Variants in RANBP2 observed in about 807,000 individuals in gnomAD.
RANBP2 encodes the protein RAN binding protein 2.
A neutral mutation model predicts 303.6 loss-of-function variants in RANBP2; 57 were observed. That is an observed-to-expected ratio of 0.19 (90% CI 0.15 to 0.23). The LOEUF (loss-of-function observed/expected upper bound fraction) is 0.23, where lower values mean the gene tolerates loss of function less well. Among genes scored for constraint, RANBP2 ranks in the 10% least tolerant of loss-of-function variants. RANBP2 has a pLI of 1.00. For synonymous variants in RANBP2, 1,167 were observed against 1,301.5 expected, an observed-to-expected ratio of 0.90 and a Z score of 2.23; for missense variants, 3,138 against 3,780.8, an observed-to-expected ratio of 0.83 and a Z score of 4.46.
In RANBP2 at chr2:108,783,426, A is replaced by T. The variant is rs1387292653; in HGVS notation, c.9370-170A>T. On this transcript the variant is annotated intron_variant, in intron 28 of 28. Transcript: ENST00000283195. ...GATGGGAAAAACCTTTTCATTTTTC[A>T]TCTTCTTTCCAACAATATGAATTTC... 2.0e-5 allele frequency among the ~76,000 whole-genome samples: 3 copies of T among 148,828 alleles called. No homozygotes were observed. The East Asian group carries it at 5.9e-4, about 29-fold the overall frequency.
At chr2:109,197,362 CT>C in the RANBP2 span, among the ~76,000 whole-genome samples, 1 of 152,200 alleles carries the variant, frequency 6.6e-6, no homozygotes, top group African/African-American at 2.4e-5. Flanking sequence ...GCCAGACCCA[CT>C]TGGACTTCAG....
At chr2:109,436,027 G>A in the RANBP2 span, among the ~76,000 whole-genome samples, 528 of 152,226 alleles carry the variant, frequency 3.5e-3, 19 homozygotes, top group East Asian at 0.061. Flanking sequence ...GCTAGAGGTC[G>A]TGCCCAGTGA....
At chr2:109,181,045 G>A in the RANBP2 span, among the ~76,000 whole-genome samples, 5 of 152,178 alleles carry the variant, frequency 3.3e-5, no homozygotes, top group African/African-American at 1.2e-4. Flanking sequence ...TTGATGGCCA[G>A]CCCGCTGTGC....
the RANBP2 span, among the ~76,000 whole-genome samples, chr2:109,601,325 G>A: frequency 2.0e-5 from 3 of 152,298 alleles, no homozygotes; most frequent in Non-Finnish European, 2.9e-5. Context: ...AAGGATTTCA[G>A]CAGTTGTATG....
chr2:109,614,949 A>G, the RANBP2 span: 1 of 1,522,666 alleles, frequency 6.6e-7, no homozygotes, highest in East Asian at 2.5e-5. Flanking sequence ...CGGGGCTCGC[A>G]GGAAGAACTC....
the RANBP2 span, among the ~76,000 whole-genome samples, chr2:109,290,148 A>G: frequency 7.3e-4 from 111 of 152,314 alleles, 1 homozygote; most frequent in Middle Eastern, 3.4e-3. Context: ...CCAAAGTTGC[A>G]TGGTCCTGGA....
chr2:109,386,295 G>GC, the RANBP2 span, among the ~76,000 whole-genome samples: 2 of 152,208 alleles, frequency 1.3e-5, no homozygotes, highest in East Asian at 1.9e-4. Context: ...CGCATATGGA[G>GC]CATGTACAGG....
the RANBP2 span, chr2:109,129,771 C>T: frequency 6.5e-6 from 10 of 1,539,142 alleles, no homozygotes; most frequent in South Asian, 4.8e-5. Flanking sequence ...AACACACTTT[C>T]TGCCGCCGCT....
the RANBP2 span, chr2:109,615,658 T>A: frequency 6.2e-7 from 1 of 1,613,848 alleles, no homozygotes; most frequent in Non-Finnish European, 8.5e-7. Context: ...GCCGAGGAGA[T>A]CAAGAACCTG....
the RANBP2 span, among the ~76,000 whole-genome samples, chr2:109,259,963 G>T: frequency 6.6e-6 from 1 of 152,144 alleles, no homozygotes; most frequent in Non-Finnish European, 1.5e-5. Context: ...CAGACGCCCA[G>T]GGGTTTTCTT....
At chr2:109,299,498 G>A in the RANBP2 span, among the ~76,000 whole-genome samples, 2 of 151,848 alleles carry the variant, frequency 1.3e-5, no homozygotes, top group Admixed American at 6.6e-5. Context: ...CTCCCATGAT[G>A]TACCCCTAGG....
the RANBP2 span, among the ~76,000 whole-genome samples, chr2:109,236,467 T>G: frequency 6.6e-6 from 1 of 152,162 alleles, no homozygotes; most frequent in African/African-American, 2.4e-5. Flanking sequence ...TGAGCCGTGT[T>G]TTTTAGGAAT....
At position 108,773,111 on chromosome 2, in the gene RANBP2, G is replaced by C. The variant is rs1677625369; in HGVS notation, c.8292+65G>C. The C allele has an allele frequency of 4.1e-6, 6 of 1,466,394 alleles. No homozygotes were observed. In the South Asian group the frequency reaches 7.2e-5, roughly 18 times the overall value. 90.8% of individuals were successfully genotyped at this position (1,466,394 alleles called of 1,614,324 possible). A position where few individuals can be genotyped will look rare whatever the true frequency, so the allele number is the denominator to read the frequency against. On this transcript the variant is annotated intron_variant, in intron 23 of 28. Coordinates refer to ENST00000283195, the MANE Select transcript of RANBP2 (RefSeq NM_006267.5). ...GCCTTTGTTGATGCAGTAAACTTTA[G>C]AATGTTCTTATTTATTTATTTTTGA...
chr2:108,839,716 A>C, the RANBP2 span, among the ~76,000 whole-genome samples: 1 of 151,906 alleles, frequency 6.6e-6, no homozygotes, highest in Non-Finnish European at 1.5e-5. Flanking sequence ...TTTTTTGTTT[A>C]TTTTGTATCC....
At chr2:108,930,262 T>G in the RANBP2 span, 5 of 1,613,908 alleles carry the variant, frequency 3.1e-6, no homozygotes, top group Non-Finnish European at 4.2e-6. Flanking sequence ...AAGGGGGGTG[T>G]TGTGGCCTCC....
At chr2:109,211,390 G>C in the RANBP2 span, among the ~76,000 whole-genome samples, 1 of 152,226 alleles carries the variant, frequency 6.6e-6, no homozygotes, top group Admixed American at 6.5e-5. Flanking sequence ...GCTAAATCAG[G>C]AGGTGTTATA....
the RANBP2 span, among the ~76,000 whole-genome samples, chr2:109,048,759 C>T: frequency 4.2e-3 from 641 of 152,298 alleles, 5 homozygotes; most frequent in African/African-American, 0.015. Flanking sequence ...CTTCACTTTT[C>T]ATGTGGGTTG....
the RANBP2 span, among the ~76,000 whole-genome samples, chr2:109,004,996 C>T: frequency 6.6e-6 from 1 of 152,124 alleles, no homozygotes; most frequent in African/African-American, 2.4e-5. Flanking sequence ...TCTCTTCTCC[C>T]TCTTCCACAG....
the RANBP2 span, among the ~76,000 whole-genome samples, chr2:109,557,913 C>T: frequency 6.6e-6 from 1 of 150,658 alleles, no homozygotes; most frequent in Non-Finnish European, 1.5e-5. Flanking sequence ...CTGCCTCTAC[C>T]ACCCAAGTAG....
Sources: gnomAD v4.1 joint callset for allele counts (sites outside exome capture counted in the v4.1 genomes callset) on GRCh38, gnomAD v4.1.1 for gene constraint, MANE v1.5 for transcripts, NCBI Gene and HGNC (gene_info 2026-07-23, HGNC 2026-07-21) for gene names.